The following WWOX variants were observed in gnomAD, a reference collection of about 807,000 sequenced individuals.
WWOX encodes WW domain-containing oxidoreductase.
Under a neutral mutation model 46.2 loss-of-function variants are expected in WWOX, and 69 were observed. The observed-to-expected ratio is 1.49, with a 90% CI of 1.23 to 1.82. The LOEUF (loss-of-function observed/expected upper bound fraction) is 1.82, where lower values mean the gene tolerates loss of function less well. WWOX is among the 40% of genes most tolerant of loss of function. The pLI is 0.00. For missense variants in WWOX, 919 were observed against 542.6 expected, an observed-to-expected ratio of 1.69 and a Z score of -6.89; for synonymous variants, 359 against 202.6, an observed-to-expected ratio of 1.77 and a Z score of -6.56.
At chr16:78,399,714 A>G (rs1253647912) in intron 6 of WWOX, among the ~76,000 whole-genome samples, 1 of 152,156 alleles carries the variant, frequency 6.6e-6, no homozygotes, top group Non-Finnish European at 1.5e-5. Flanking sequence ...ATATTTCCCA[A>G]CTTGGCCCAT....
At chr16:78,636,362 T>C (rs1055750800) in intron 8 of WWOX, among the ~76,000 whole-genome samples, 9 of 152,172 alleles carry the variant, frequency 5.9e-5, no homozygotes, top group Admixed American at 2.6e-4. Context: ...CTCTCTGATA[T>C]ATTAATATAT....
intron 5 of WWOX, among the ~76,000 whole-genome samples, chr16:78,173,455 ATTTTTTT>A (rs35394224): frequency 8.8e-5 from 12 of 135,854 alleles, no homozygotes; most frequent in African/African-American, 2.5e-4. Flanking sequence ...CACCTGGCTA[ATTTTTTT>A]TTTTTTTTTT....
intron 6 of WWOX, among the ~76,000 whole-genome samples, chr16:78,410,338 C>T (rs548025943): frequency 2.2e-4 from 33 of 152,286 alleles, no homozygotes; most frequent in African/African-American, 5.1e-4. Flanking sequence ...CCCTTGATCA[C>T]GGTCTGCAGC....
At chr16:78,523,596 T>C (rs553129925) in intron 8 of WWOX, among the ~76,000 whole-genome samples, 7 of 152,320 alleles carry the variant, frequency 4.6e-5, no homozygotes, top group Non-Finnish European at 8.8e-5. Flanking sequence ...GGAAGAGTTA[T>C]TCTTCCATAT....
Position 78,865,938 on chromosome 16 carries a change from G to A in WWOX, c.1057-345670G>A, listed in dbSNP as rs142160318. Among the ~76,000 whole-genome samples the A allele has an allele frequency of 1.2e-3, 180 of 152,304 alleles. 1 individual carries two copies. The East Asian group carries it at 0.022, about 19-fold the overall frequency. On this transcript the variant is annotated intron_variant, in intron 8 of 8. Transcript: ENST00000566780. ...TAGTTACTCAACAAATCATATCTGT[G>A]ATTGTTTTGGTTTTAACAATAATGG...
chr16:78,430,167 G>A (rs978718061), intron 7 of WWOX, among the ~76,000 whole-genome samples: 2 of 152,168 alleles, frequency 1.3e-5, no homozygotes, highest in African/African-American at 4.8e-5. Context: ...AACAGAGTAT[G>A]TGCAGGGGAA....
intron 5 of WWOX, among the ~76,000 whole-genome samples, chr16:78,376,931 A>G (rs908800309): frequency 1.3e-5 from 2 of 152,312 alleles, no homozygotes; most frequent in Non-Finnish European, 1.5e-5. Context: ...ACCAGAACAG[A>G]CAAATCTTGT....
chr16:78,751,213 C>G (rs553307077), intron 8 of WWOX, among the ~76,000 whole-genome samples: 1 of 151,690 alleles, frequency 6.6e-6, no homozygotes, highest in African/African-American at 2.4e-5. Context: ...ATTTGTGTTT[C>G]GAACTACATA....
intron 5 of WWOX, among the ~76,000 whole-genome samples, chr16:78,227,475 G>A (rs542794449): frequency 6.6e-6 from 1 of 152,216 alleles, no homozygotes; most frequent in Admixed American, 6.5e-5. Flanking sequence ...CTCTTTTCTT[G>A]CATACTGTAT....
At chr16:78,916,616 G>T (rs1567647161) in intron 8 of WWOX, among the ~76,000 whole-genome samples, 1 of 152,160 alleles carries the variant, frequency 6.6e-6, no homozygotes, top group African/African-American at 2.4e-5. Flanking sequence ...CATAAATTGG[G>T]ATTGGCCTAG....
chr16:78,845,876 T>C (rs112045810), intron 8 of WWOX, among the ~76,000 whole-genome samples: 6,638 of 152,322 alleles, frequency 0.044, 181 homozygotes, highest in Non-Finnish European at 0.064. Flanking sequence ...TCCATTTTAA[T>C]GACCTTGTGC....
intron 8 of WWOX, among the ~76,000 whole-genome samples, chr16:78,929,652 G>T (rs971217231): frequency 7.2e-4 from 109 of 152,116 alleles, no homozygotes; most frequent in African/African-American, 2.4e-3. Flanking sequence ...TTGGGATGGC[G>T]ACTAAAGACC....
intron 8 of WWOX, among the ~76,000 whole-genome samples, chr16:78,572,265 A>G (rs191500082): frequency 1.3e-5 from 2 of 152,188 alleles, no homozygotes; most frequent in Non-Finnish European, 2.9e-5. Context: ...ACGTGCATCA[A>G]CACAGAAGAA....
chr16:78,459,399 G>C (rs771786742), intron 8 of WWOX, among the ~76,000 whole-genome samples: 18 of 152,176 alleles, frequency 1.2e-4, no homozygotes, highest in Non-Finnish European at 2.2e-4. Context: ...CCTACAAGTG[G>C]AGCGTGATTT....
chr16:78,722,339 C>A (rs984827043), intron 8 of WWOX, among the ~76,000 whole-genome samples: 1 of 152,170 alleles, frequency 6.6e-6, no homozygotes, highest in African/African-American at 2.4e-5. Flanking sequence ...TCAGTTTTCT[C>A]ATCTGTAAAA....
intron 8 of WWOX, among the ~76,000 whole-genome samples, chr16:78,652,884 C>T (rs772885949): frequency 6.6e-6 from 1 of 152,048 alleles, no homozygotes; most frequent in African/African-American, 2.4e-5. Context: ...TCCCCCTTGC[C>T]CATCACAGTT....
At chr16:78,862,959 G>GTTT (rs35529711) in intron 8 of WWOX, among the ~76,000 whole-genome samples, 16 of 133,620 alleles carry the variant, frequency 1.2e-4, no homozygotes, top group Middle Eastern at 4.1e-3. Flanking sequence ...GTTATGCCAA[G>GTTT]TTTTTTTTTT....
intron 8 of WWOX, among the ~76,000 whole-genome samples, chr16:78,760,426 C>T (rs1026517745): frequency 1.3e-5 from 2 of 152,182 alleles, no homozygotes; most frequent in Non-Finnish European, 2.9e-5. Flanking sequence ...CTTAATCACA[C>T]TTGCATTTGA....
At chr16:78,507,960 G>A (rs1429851256) in intron 8 of WWOX, among the ~76,000 whole-genome samples, 2 of 143,886 alleles carry the variant, frequency 1.4e-5, no homozygotes, top group Non-Finnish European at 3.1e-5. Context: ...GACCTTTTAT[G>A]CATGGACTGT....
Sources: gnomAD v4.1 joint callset for allele counts (sites outside exome capture counted in the v4.1 genomes callset) on GRCh38, gnomAD v4.1.1 for gene constraint, MANE v1.5 for transcripts, NCBI Gene and HGNC (gene_info 2026-07-23, HGNC 2026-07-21) for gene names.